Variants in HYDIN observed in about 807,000 individuals in gnomAD.
HYDIN encodes axonemal central pair apparatus protein HYDIN.
HYDIN carries 132 observed loss-of-function variants against 403.9 expected under a neutral mutation model. That is an observed-to-expected ratio of 0.33 (90% confidence interval 0.28 to 0.38). The LOEUF (loss-of-function observed/expected upper bound fraction) is 0.38. Among genes scored for constraint, HYDIN ranks in the 10% least tolerant of loss-of-function variants. The probability of loss-of-function intolerance (pLI) is 1.00; values close to 1 mark genes in which losing one functional copy is unlikely to be tolerated. For missense variants in HYDIN, 2,827 were observed against 5,009.5 expected (o/e 0.56, Z 13.15); for synonymous variants, 1,202 against 1,891.7 (o/e 0.64, Z 9.46).
chr16:70,875,412 A>T (rs1167225830), intron 62 of HYDIN, among the ~76,000 whole-genome samples: 1 of 152,082 alleles, frequency 6.6e-6, no homozygotes, highest in African/African-American at 2.4e-5. Flanking sequence ...TGGGCATTTG[A>T]CCTACTTGGA....
chr16:70,963,641 C>CA (rs763775850), intron 37 of HYDIN, among the ~76,000 whole-genome samples: 8 of 79,310 alleles, frequency 1.0e-4, no homozygotes, highest in Non-Finnish European at 1.7e-4. Flanking sequence ...CTTGCAATGG[C>CA]AGCCCTAGCA....
chr16:71,165,733 C>T (rs1011700777), intron 5 of HYDIN, among the ~76,000 whole-genome samples: 8 of 151,360 alleles, frequency 5.3e-5, no homozygotes, highest in Non-Finnish European at 1.2e-4. Flanking sequence ...TTTTACATGG[C>T]GTGAGGGGGA....
At chr16:71,165,157 G>A (rs1246233788) in intron 5 of HYDIN, among the ~76,000 whole-genome samples, 2 of 151,100 alleles carry the variant, frequency 1.3e-5, no homozygotes, top group Non-Finnish European at 2.9e-5. Context: ...CTGCTTCTCC[G>A]CTGAAAAGTA....
chr16:70,932,743 T>C (rs1304453535), intron 45 of HYDIN, among the ~76,000 whole-genome samples: 2 of 152,382 alleles, frequency 1.3e-5, no homozygotes, highest in Admixed American at 6.5e-5. Flanking sequence ...TTTTAAAGGT[T>C]CACCTCATTA....
At chr16:71,080,289 A>C (rs2144339666) in intron 12 of HYDIN, 1 of 154,490 alleles carries the variant, frequency 6.5e-6, no homozygotes. Context: ...TAAAGTTATT[A>C]ATGTGTCAAG....
chr16:70,944,524 C>G (rs1439679313), intron 41 of HYDIN, among the ~76,000 whole-genome samples: 1 of 151,992 alleles, frequency 6.6e-6, no homozygotes, highest in African/African-American at 2.4e-5. Context: ...ACAGCAAGCT[C>G]TTTCAACGCA....
At chr16:71,195,982 T>C (rs868515284) in intron 1 of HYDIN, among the ~76,000 whole-genome samples, 1 of 152,046 alleles carries the variant, frequency 6.6e-6, no homozygotes, top group African/African-American at 2.4e-5. Context: ...CTAAGGACCA[T>C]GTAGGAAGAA....
intron 5 of HYDIN, among the ~76,000 whole-genome samples, chr16:71,163,700 G>A (rs1037074066): frequency 6.6e-6 from 1 of 152,214 alleles, no homozygotes; most frequent in African/African-American, 2.4e-5. Context: ...CCAGCCTAGA[G>A]CCAGCTGATC....
intron 23 of HYDIN, among the ~76,000 whole-genome samples, chr16:71,004,468 T>C (rs1242434886): frequency 1.3e-5 from 2 of 152,222 alleles, no homozygotes; most frequent in African/African-American, 4.8e-5. Context: ...CTGGATTTAT[T>C]GAGATGATCA....
chr16:71,015,327 G>A (rs1416767273), intron 23 of HYDIN, among the ~76,000 whole-genome samples: 1 of 151,916 alleles, frequency 6.6e-6, no homozygotes, highest in Non-Finnish European at 1.5e-5. Flanking sequence ...AAAATTAAGT[G>A]TATCATCTTC....
intron 19 of HYDIN, among the ~76,000 whole-genome samples, chr16:71,031,017 G>A (rs1263055647): frequency 3.3e-5 from 5 of 150,774 alleles, no homozygotes; most frequent in East Asian, 3.9e-4. Flanking sequence ...TGGCTAACAC[G>A]GTGAAACCCC....
chr16:70,838,659 C>G (rs1377829476), intron 76 of HYDIN, among the ~76,000 whole-genome samples: 2 of 151,986 alleles, frequency 1.3e-5, no homozygotes, highest in Non-Finnish European at 2.9e-5. Flanking sequence ...CACTAATTAC[C>G]CAAATGATCT....
At chr16:71,172,366 C>T (rs2086500824) in intron 5 of HYDIN, among the ~76,000 whole-genome samples, 1 of 152,124 alleles carries the variant, frequency 6.6e-6, no homozygotes, top group South Asian at 2.1e-4. Context: ...TTTTCTTTCT[C>T]ATTTTAATGG....
chr16:71,216,813 C>T (rs994917135), intron 1 of HYDIN, among the ~76,000 whole-genome samples: 1 of 152,202 alleles, frequency 6.6e-6, no homozygotes, highest in South Asian at 2.1e-4. Flanking sequence ...CGGTCCTGGA[C>T]ATCGGTATTT....
chr16:70,859,248 C>G (rs1597143992), intron 71 of HYDIN, among the ~76,000 whole-genome samples: 1 of 152,024 alleles, frequency 6.6e-6, no homozygotes, highest in African/African-American at 2.4e-5. Context: ...ATGTAGTGAG[C>G]CGAGATCGCG....
intron 83 of HYDIN, among the ~76,000 whole-genome samples, chr16:70,826,705 ATCTCTCTCTCTCTCTC>A (rs3043151): frequency 1.7e-3 from 214 of 129,052 alleles, no homozygotes; most frequent in Non-Finnish European, 1.9e-3. Context: ...TCTTGCCAGC[ATCTCTCTCTCTCTCTC>A]TCTCTCTCTC....
intron 9 of HYDIN, among the ~76,000 whole-genome samples, chr16:71,119,789 T>TAG (rs1172633249): frequency 2.7e-5 from 4 of 148,312 alleles, no homozygotes; most frequent in African/African-American, 1.0e-4. Flanking sequence ...AAACTCAATA[T>TAG]AGCATTTTCT....
intron 15 of HYDIN, 34 bp downstream of exon 15, chr16:71,067,256 C>A (rs371599741): frequency 7.2e-7 from 1 of 1,389,726 alleles, no homozygotes; most frequent in Non-Finnish European, 1.0e-6. Context: ...GGCTCGGGGG[C>A]GACTCAGGAG....
At chr16:71,201,901 A>G (rs2088036434) in intron 1 of HYDIN, among the ~76,000 whole-genome samples, 1 of 152,252 alleles carries the variant, frequency 6.6e-6, no homozygotes, top group East Asian at 1.9e-4. Flanking sequence ...CAGTCCATCT[A>G]TTATTTGTAA....
Sources: allele counts gnomAD v4.1 joint callset (sites outside exome capture counted in the v4.1 genomes callset), GRCh38; gene constraint gnomAD v4.1.1; transcripts MANE v1.5; gene names NCBI Gene and HGNC (gene_info 2026-07-23, HGNC 2026-07-21).